Variants in FAM193A observed in about 807,000 individuals in gnomAD.
FAM193A encodes the protein family with sequence similarity 193 member A.
Under a neutral mutation model 126.5 loss-of-function variants are expected in FAM193A, and 22 were observed. The ratio of observed to expected loss-of-function variants is 0.17; its 90% CI spans 0.12 to 0.25. FAM193A has a LOEUF of 0.25. Among genes scored for constraint, FAM193A ranks in the 10% least tolerant of loss-of-function variants. The pLI is 1.00. For synonymous variants in FAM193A, 761 were observed against 646.8 expected (o/e 1.18, Z -2.68); for missense variants, 1,675 against 1,672.8 (o/e 1.00, Z -0.02).
chr4:2,657,994 G>C, intron 8 of FAM193A, 114 bp downstream of exon 8: 1 of 734,886 alleles, frequency 1.4e-6, no homozygotes, highest in Non-Finnish European at 2.3e-6. Flanking sequence ...GACCACATTG[G>C]CATGTTTTGC....
At chr4:2,579,306 C>T (rs542421626) in intron 1 of FAM193A, among the ~76,000 whole-genome samples, 38 of 151,166 alleles carry the variant, frequency 2.5e-4, no homozygotes, top group Admixed American at 4.6e-4. Flanking sequence ...ACCAGCCTGG[C>T]CAACATGGTG....
At chr4:2,559,941 G>GCTTTT (rs1047451238) in intron 1 of FAM193A, among the ~76,000 whole-genome samples, 9 of 151,868 alleles carry the variant, frequency 5.9e-5, no homozygotes, top group South Asian at 2.1e-4. Context: ...CTTTGTGCAC[G>GCTTTT]CTTTTCTTTT....
chr4:2,709,601 C>T (rs902504888), intron 19 of FAM193A, among the ~76,000 whole-genome samples: 4 of 152,044 alleles, frequency 2.6e-5, no homozygotes, highest in African/African-American at 9.7e-5. Context: ...CTCAGCTACT[C>T]AAGAGGCTGA....
intron 1 of FAM193A, among the ~76,000 whole-genome samples, chr4:2,567,089 G>A (rs1341779802): frequency 6.6e-6 from 1 of 151,182 alleles, no homozygotes; most frequent in African/African-American, 2.4e-5. Flanking sequence ...ACAGGCGCCC[G>A]CCACCATGCC....
chr4:2,589,571 T>G (rs530331680), intron 1 of FAM193A, among the ~76,000 whole-genome samples: 2 of 152,356 alleles, frequency 1.3e-5, no homozygotes, highest in African/African-American at 4.8e-5. Flanking sequence ...CTCTGTAAGA[T>G]TACAGAAATT....
At chr4:2,726,297 T>G (rs1214936324) in intron 20 of FAM193A, among the ~76,000 whole-genome samples, 1 of 151,998 alleles carries the variant, frequency 6.6e-6, no homozygotes, top group East Asian at 1.9e-4. Context: ...GCCTCGGCCT[T>G]CCAAACGTTG....
At chr4:2,543,945 C>T (rs544277936) in intron 1 of FAM193A, among the ~76,000 whole-genome samples, 1 of 146,322 alleles carries the variant, frequency 6.8e-6, no homozygotes, top group East Asian at 2.1e-4. Flanking sequence ...ATGGTATGAT[C>T]GTTGTATAAA....
intron 20 of FAM193A, among the ~76,000 whole-genome samples, chr4:2,718,629 A>C (rs987674028): frequency 6.6e-6 from 1 of 152,140 alleles, no homozygotes; most frequent in Non-Finnish European, 1.5e-5. Context: ...CAGGAGGCTG[A>C]GGTGGGAGGA....
chr4:2,686,245 G>T (rs1010815846), intron 13 of FAM193A, among the ~76,000 whole-genome samples: 14 of 152,186 alleles, frequency 9.2e-5, no homozygotes, highest in African/African-American at 3.4e-4. Context: ...GTTCTGAATA[G>T]TGTGTAAATC....
intron 12 of FAM193A, among the ~76,000 whole-genome samples, chr4:2,665,470 TCTTCC>T (rs1417353156): frequency 1.3e-5 from 2 of 152,228 alleles, no homozygotes; most frequent in South Asian, 2.1e-4. Context: ...ATGCTTTTAA[TCTTCC>T]CTTCCCTTTC....
At chr4:2,697,931 G>C (rs1717224388) in intron 18 of FAM193A, among the ~76,000 whole-genome samples, 1 of 152,170 alleles carries the variant, frequency 6.6e-6, no homozygotes, top group African/African-American at 2.4e-5. Flanking sequence ...GAGTTTTCAG[G>C]GTACTCTCCA....
At chr4:2,602,726 T>C (rs1741274664) in intron 2 of FAM193A, among the ~76,000 whole-genome samples, 1 of 152,050 alleles carries the variant, frequency 6.6e-6, no homozygotes, top group Non-Finnish European at 1.5e-5. Flanking sequence ...AGTGGCGCGA[T>C]CTCAGCTCAC....
intron 10 of FAM193A, among the ~76,000 whole-genome samples, chr4:2,662,042 G>T (rs375010953): frequency 1.3e-5 from 2 of 152,218 alleles, no homozygotes; most frequent in African/African-American, 4.8e-5. Flanking sequence ...AATCAGCCGG[G>T]CGTGGTGGCG....
At chr4:2,547,588 A>ATGTGTGTGTGTGTGTC (rs1737642607) in intron 1 of FAM193A, among the ~76,000 whole-genome samples, 1 of 147,188 alleles carries the variant, frequency 6.8e-6, no homozygotes, top group Non-Finnish European at 1.5e-5. Flanking sequence ...TGACCTTAGT[A>ATGTGTGTGTGTGTGTC]TGTGTGTGTG....
At chr4:2,711,539 C>T (rs1023482648) in intron 19 of FAM193A, among the ~76,000 whole-genome samples, 1 of 151,406 alleles carries the variant, frequency 6.6e-6, no homozygotes, top group African/African-American at 2.4e-5. Flanking sequence ...GGAGTTTCAC[C>T]ATCTTGGCCA....
At chr4:2,645,428 A>G (rs1003293994) in intron 6 of FAM193A, among the ~76,000 whole-genome samples, 4 of 152,120 alleles carry the variant, frequency 2.6e-5, no homozygotes, top group African/African-American at 4.8e-5. Flanking sequence ...CTTTTCAGAA[A>G]TCGAGGTGTT....
intron 1 of FAM193A, among the ~76,000 whole-genome samples, chr4:2,571,687 G>A (rs1739300980): frequency 6.6e-6 from 1 of 151,668 alleles, no homozygotes; most frequent in Admixed American, 6.6e-5. Flanking sequence ...TTACAGGAGC[G>A]TGCCACCAAG....
intron 1 of FAM193A, among the ~76,000 whole-genome samples, chr4:2,548,755 C>A (rs1483353483): frequency 3.3e-5 from 5 of 151,678 alleles, no homozygotes; most frequent in Non-Finnish European, 7.4e-5. Flanking sequence ...CCGGACCCAA[C>A]CTGTTAACTG....
intron 1 of FAM193A, among the ~76,000 whole-genome samples, chr4:2,562,628 CTTTTTTTG>C (rs996747630): frequency 1.0e-4 from 15 of 150,276 alleles, no homozygotes; most frequent in African/African-American, 3.7e-4. Context: ...TCTGCATTTC[CTTTTTTTG>C]TTTTTTTTTT....
Sources: gnomAD v4.1 joint callset for allele counts (sites outside exome capture counted in the v4.1 genomes callset) on GRCh38, gnomAD v4.1.1 for gene constraint, MANE v1.5 for transcripts, NCBI Gene and HGNC (gene_info 2026-07-23, HGNC 2026-07-21) for gene names.